PHACTR1: variants seen among roughly 807,000 people sequenced by gnomAD.
The protein encoded by PHACTR1 is phosphatase and actin regulator 1.
A neutral mutation model predicts 69.2 loss-of-function variants in PHACTR1; 16 were observed. That is an observed-to-expected ratio of 0.23 (90% CI 0.16 to 0.35). PHACTR1 has a LOEUF of 0.35. Among genes scored for constraint, PHACTR1 ranks in the 10% least tolerant of loss-of-function variants. The probability of loss-of-function intolerance (pLI) is 1.00; values close to 1 mark genes in which losing one functional copy is unlikely to be tolerated. For synonymous variants in PHACTR1, 312 were observed against 284.5 expected (o/e 1.10, Z -0.97); for missense variants, 510 against 734.7 (o/e 0.69, Z 3.54).
In PHACTR1 at chr6:12,877,551, G is replaced by A. The variant is rs190304622; in HGVS notation, c.250+127761G>A. 1.2e-3 allele frequency among the ~76,000 whole-genome samples: 179 copies of A among 152,208 alleles called. 3 individuals carry two copies. Among genetic ancestry groups the A allele is most frequent in the South Asian group, 1.2e-3 (6 of 4,816 alleles). On this transcript the variant is annotated intron_variant, in intron 4 of 14. Coordinates refer to ENST00000332995, the MANE Select transcript of PHACTR1 (RefSeq NM_030948.6). ...AACTGGAATGTGCCCAATCACAGCC[G>A]TCTGTTTGCTCCTGAGCCTGTTCCA...
intron 10 of PHACTR1, among the ~76,000 whole-genome samples, chr6:13,249,840 C>T (rs1368294130): frequency 1.3e-5 from 2 of 151,568 alleles, no homozygotes; most frequent in South Asian, 2.1e-4. Context: ...AAAGAATCAC[C>T]TATTTCATTT....
chr6:12,828,759 G>T (rs1226841628), intron 4 of PHACTR1, among the ~76,000 whole-genome samples: 1 of 142,842 alleles, frequency 7.0e-6, no homozygotes, highest in Non-Finnish European at 1.5e-5. Context: ...ATGCTTCGTT[G>T]TAAAAAAAAA....
chr6:13,097,613 CAT>C (rs1413709329), intron 5 of PHACTR1, among the ~76,000 whole-genome samples: 2 of 152,192 alleles, frequency 1.3e-5, no homozygotes, highest in Non-Finnish European at 2.9e-5. Context: ...TCTAGCCTGT[CAT>C]AGAGCAGTTA....
intron 6 of PHACTR1, among the ~76,000 whole-genome samples, chr6:13,162,092 T>TTTG (rs72034845): frequency 7.3e-5 from 11 of 151,134 alleles, no homozygotes; most frequent in Admixed American, 1.3e-4. Flanking sequence ...CCTCCCTTGT[T>TTTG]TTGTTGTTGT....
chr6:12,953,509 G>A (rs1041239506), intron 4 of PHACTR1, among the ~76,000 whole-genome samples: 4 of 152,138 alleles, frequency 2.6e-5, no homozygotes, highest in African/African-American at 9.7e-5. Flanking sequence ...TAACAAATAT[G>A]TAACCCTGTG....
intron 4 of PHACTR1, among the ~76,000 whole-genome samples, chr6:12,789,665 A>G (rs1771990444): frequency 6.6e-6 from 1 of 152,032 alleles, no homozygotes; most frequent in African/African-American, 2.4e-5. Flanking sequence ...CAGGTTTCCC[A>G]TCCCAGTCGA....
chr6:12,754,137 T>TC (rs1766987530), intron 4 of PHACTR1, among the ~76,000 whole-genome samples: 1 of 139,416 alleles, frequency 7.2e-6, no homozygotes, highest in Admixed American at 6.9e-5. Context: ...TATTTTTTTT[T>TC]TTTTTTTTTG....
At chr6:12,846,031 G>A (rs193020216) in intron 4 of PHACTR1, among the ~76,000 whole-genome samples, 2 of 152,060 alleles carry the variant, frequency 1.3e-5, no homozygotes, top group African/African-American at 4.8e-5. Context: ...GTGGAGAGGA[G>A]GGAACTGATA....
chr6:12,767,500 G>A (rs1370076777), intron 4 of PHACTR1, among the ~76,000 whole-genome samples: 1 of 152,182 alleles, frequency 6.6e-6, no homozygotes, highest in Non-Finnish European at 1.5e-5. Flanking sequence ...GTAAATGCAG[G>A]TGTAGATGAA....
At chr6:12,840,867 G>A (rs1283672733) in intron 4 of PHACTR1, among the ~76,000 whole-genome samples, 1 of 152,208 alleles carries the variant, frequency 6.6e-6, no homozygotes, top group Non-Finnish European at 1.5e-5. Context: ...AAGTATTTAA[G>A]TGATGCTTGT....
At chr6:13,198,909 G>A (rs1223564) in intron 7 of PHACTR1, among the ~76,000 whole-genome samples, 5,594 of 152,236 alleles carry the variant, frequency 0.037, 355 homozygotes, top group African/African-American at 0.13. Context: ...GTGCCTCTTT[G>A]CCTGATGAGA....
chr6:12,964,637 G>A (rs909727669), intron 4 of PHACTR1, among the ~76,000 whole-genome samples: 4 of 152,174 alleles, frequency 2.6e-5, no homozygotes, highest in Non-Finnish European at 4.4e-5. Context: ...AAGCCCAGAA[G>A]TGACATGGTC....
At chr6:13,027,581 CTATGGTT>C (rs1801875566) in intron 4 of PHACTR1, among the ~76,000 whole-genome samples, 9 of 152,090 alleles carry the variant, frequency 5.9e-5, no homozygotes, top group Admixed American at 5.9e-4. Context: ...AATTCAAGTT[CTATGGTT>C]CAATGTTGAG....
chr6:13,087,864 C>T (rs1438933990), intron 5 of PHACTR1, among the ~76,000 whole-genome samples: 2 of 151,988 alleles, frequency 1.3e-5, no homozygotes, highest in Non-Finnish European at 2.9e-5. Flanking sequence ...CCGGGCTAAT[C>T]TCGAAGTCCT....
At chr6:12,732,574 G>C (rs764959437) in intron 3 of PHACTR1, among the ~76,000 whole-genome samples, 10 of 152,092 alleles carry the variant, frequency 6.6e-5, no homozygotes, top group Non-Finnish European at 1.2e-4. Context: ...AGAACGTACA[G>C]TGTTTGGTTT....
chr6:12,732,041 G>A (rs1023753643), intron 3 of PHACTR1, among the ~76,000 whole-genome samples: 2 of 150,452 alleles, frequency 1.3e-5, no homozygotes, highest in African/African-American at 4.9e-5. Context: ...CCCTTATACT[G>A]AGTTGCAGAA....
chr6:13,015,197 G>C (rs1357603724), intron 4 of PHACTR1, among the ~76,000 whole-genome samples: 1 of 152,170 alleles, frequency 6.6e-6, no homozygotes, highest in Non-Finnish European at 1.5e-5. Flanking sequence ...CTGAAGTGCA[G>C]AGTAATGAAA....
At chr6:13,278,920 G>A (rs1278440638) in intron 12 of PHACTR1, among the ~76,000 whole-genome samples, 8 of 147,354 alleles carry the variant, frequency 5.4e-5, no homozygotes, top group South Asian at 2.1e-4. Context: ...CCGAGATCGC[G>A]CCACTGCACT....
At chr6:13,154,317 G>A (rs1302013596) in intron 5 of PHACTR1, among the ~76,000 whole-genome samples, 1 of 151,852 alleles carries the variant, frequency 6.6e-6, no homozygotes, top group South Asian at 2.1e-4. Context: ...AGGCCACCAC[G>A]CCTGGCTAAT....
Sources: gnomAD v4.1 joint callset for allele counts (sites outside exome capture counted in the v4.1 genomes callset) on GRCh38, gnomAD v4.1.1 for gene constraint, MANE v1.5 for transcripts, NCBI Gene and HGNC (gene_info 2026-07-23, HGNC 2026-07-21) for gene names.